IQCH: variants seen among roughly 807,000 people sequenced by gnomAD.
IQCH encodes IQ motif containing H, also known as IQ domain-containing protein H.
A neutral mutation model predicts 117.0 loss-of-function variants in IQCH; 98 were observed. The ratio of observed to expected loss-of-function variants is 0.84; its 90% confidence interval spans 0.71 to 0.99. The LOEUF is 0.99. Ranked by LOEUF, IQCH falls within the 50% of genes least tolerant of loss-of-function variation. The pLI is 0.00. For synonymous variants in IQCH, 412 were observed against 448.2 expected (o/e 0.92, Z 1.02); for missense variants, 1,102 against 1,243.8 (o/e 0.89, Z 1.72).
At chr15:67,358,638 CTT>C (rs1970012647) in intron 7 of IQCH, among the ~76,000 whole-genome samples, 1 of 152,164 alleles carries the variant, frequency 6.6e-6, no homozygotes, top group African/African-American at 2.4e-5. Flanking sequence ...ATTTTTGAAA[CTT>C]TTCACCACAG....
chr15:67,441,122 C>CAAAAAAAAAAAAAA (rs200254535), intron 16 of IQCH, among the ~76,000 whole-genome samples: 1 of 54,010 alleles, frequency 1.9e-5, no homozygotes, highest in African/African-American at 7.1e-5. Context: ...GCAATAGCTG[C>CAAAAAAAAAAAAAA]AAAAAAAAAA....
intron 10 of IQCH, among the ~76,000 whole-genome samples, chr15:67,377,189 C>T (rs1231970691): frequency 2.0e-5 from 3 of 150,728 alleles, no homozygotes; most frequent in Non-Finnish European, 3.0e-5. Flanking sequence ...TTATATATTT[C>T]AGATAGTATT....
rs1260780623 is a variant in IQCH at position 67,481,886 on chromosome 15, AC to A, written c.2799+6071del. On this transcript the variant is annotated intron_variant, in intron 18 of 20. Coordinates refer to ENST00000335894, the MANE Select transcript of IQCH (RefSeq NM_001031715.3). This position sits in a 1 kb window ranked among gnomAD's most constrained non-coding sequence, Gnocchi z 4.1. ...CTGTTGCTGCTTAAGACTTAAAACAACCCTTGGGCCCTCAACTATCTACAGG... is the reference window on the plus strand; with the variant it reads ...CTGTTGCTGCTTAAGACTTAAAACAACCTTGGGCCCTCAACTATCTACAGG... 1.4e-4 allele frequency among the ~76,000 whole-genome samples: 22 copies of A among 152,288 alleles called. No homozygotes were observed. Among genetic ancestry groups the A allele is most frequent in the African/African-American group, 5.3e-4 (22 of 41,556 alleles).
chr15:67,255,737 C>T (rs1215910828), intron 1 of IQCH, among the ~76,000 whole-genome samples: 1 of 152,156 alleles, frequency 6.6e-6, no homozygotes, highest in African/African-American at 2.4e-5. Flanking sequence ...GGGTCTTACT[C>T]GTCAAAGGGA....
Position 67,381,056 on chromosome 15 carries a change from A to G in IQCH, c.1373-3880A>G, listed in dbSNP as rs931847471. On this transcript the variant is annotated intron_variant, in intron 10 of 20. Transcript: ENST00000335894. The surrounding 1 kb of genome is among the most constrained non-coding windows in gnomAD (Gnocchi z 5.1). ...AGAACGTGTGATCTGCTGCAACAAC[A>G]GGGGCCTGTCACAGAGACATGCACC... 2.0e-5 allele frequency among the ~76,000 whole-genome samples: 3 copies of G among 152,210 alleles called. No individual in the cohort carries two copies. The highest frequency in any genetic ancestry group is 2.0e-4 in the Admixed American group (3 of 15,284).
In IQCH at chr15:67,388,613, C is replaced by A. The variant is rs1596299143; in HGVS notation, c.1457-218C>A. The stretch of plus-strand genomic sequence containing the variant: ...TCTGAAGGAATCATTGCATCTATTT[C>A]GTTGGTGGTGGTGTTATTTATATTT... On this transcript the variant is annotated intron_variant, in intron 11 of 20. Coordinates refer to ENST00000335894, the MANE Select transcript of IQCH (RefSeq NM_001031715.3). The surrounding 1 kb of genome is among the most constrained non-coding windows in gnomAD (Gnocchi z 5.5). 6.6e-6 allele frequency among the ~76,000 whole-genome samples: 1 copy of A among 152,126 alleles called. No homozygotes were observed. The highest frequency in any genetic ancestry group is 1.9e-4 in the East Asian group (1 of 5,194).
intron 8 of IQCH, chr15:67,371,507 G>A: frequency 1.3e-6 from 2 of 1,594,084 alleles, no homozygotes; most frequent in African/African-American, 1.3e-5. Flanking sequence ...AAGAACACGT[G>A]TCAAGAGAAA....
Position 67,494,423 on chromosome 15 carries a change from C to G in IQCH, c.2970+57C>G, listed in dbSNP as rs1003899170. On this transcript the variant is annotated intron_variant, in intron 20 of 20. Transcript: ENST00000335894. This position sits in a 1 kb window ranked among gnomAD's most constrained non-coding sequence, Gnocchi z 5.5. ...AATTTCTATACAAGGGCTGAAAATA[C>G]CTCATGCTGTATTGTAAACAAGTGC... is the stretch of plus-strand genomic sequence containing the variant. 1.7e-6 allele frequency: 2 copies of G among 1,165,646 alleles called. No individual in the cohort carries two copies. Among genetic ancestry groups the G allele is most frequent in the African/African-American group, 3.0e-5 (2 of 66,202 alleles). 72.2% of individuals were successfully genotyped at this position (1,165,646 alleles called of 1,614,324 possible). A position where few individuals can be genotyped will look rare whatever the true frequency, so the allele number is the denominator to read the frequency against.
chr15:67,439,432 G>A (rs543430699), intron 16 of IQCH, among the ~76,000 whole-genome samples: 100 of 152,192 alleles, frequency 6.6e-4, no homozygotes, highest in Non-Finnish European at 1.4e-3. Flanking sequence ...ATTTATAGCC[G>A]TAAATGCCTA....
At chr15:67,292,443 T>C (rs1381316480) in intron 4 of IQCH, among the ~76,000 whole-genome samples, 2 of 152,002 alleles carry the variant, frequency 1.3e-5, no homozygotes, top group Non-Finnish European at 2.9e-5. Flanking sequence ...TTTTTAGTAG[T>C]AGCAAGGTTT....
chr15:67,346,426 GA>G (rs1017302783), intron 6 of IQCH, among the ~76,000 whole-genome samples: 5 of 152,104 alleles, frequency 3.3e-5, no homozygotes, highest in Non-Finnish European at 7.4e-5. Flanking sequence ...ATAGTTTCAG[GA>G]TGGAACTGTT....
intron 4 of IQCH, among the ~76,000 whole-genome samples, chr15:67,301,915 T>C (rs1323826580): frequency 1.3e-5 from 2 of 152,208 alleles, no homozygotes; most frequent in Non-Finnish European, 2.9e-5. Context: ...ATAGTACACC[T>C]ATCATTTCTG....
chr15:67,411,629 CTGTATGTG>C lies in IQCH; in HGVS notation c.2098-5290_2098-5283del. 7.2e-6 allele frequency among the ~76,000 whole-genome samples: 1 copy of C among 138,906 alleles called. No homozygotes were observed. Among genetic ancestry groups the C allele is most frequent in the South Asian group, 3.0e-4 (1 of 3,284 alleles). 91.1% of individuals were successfully genotyped at this position (138,906 alleles called of 152,430 possible). On this transcript the variant is annotated intron_variant, in intron 14 of 20. Coordinates refer to ENST00000335894, the MANE Select transcript of IQCH (RefSeq NM_001031715.3). The surrounding 1 kb of genome is among the most constrained non-coding windows in gnomAD (Gnocchi z 4.4). ...ATGACCCAATTACACCAATGTGTGT[CTGTATGTG>C]TGTATGTGTGTGTAATACACACACA...
rs996497716 is a variant in IQCH, at chr15:67,427,556, T to C, written c.2505+5979T>C. On this transcript the variant is annotated intron_variant, in intron 16 of 20. Coordinates refer to ENST00000335894, the MANE Select transcript of IQCH (RefSeq NM_001031715.3). This position sits in a 1 kb window ranked among gnomAD's most constrained non-coding sequence, Gnocchi z 4.7. ...AAATTGCTATATTACCTTGAACTTA[T>C]CACTTTCCCTCATTTTCAGTTTTCT... is the stretch of plus-strand genomic sequence containing the variant. Among the ~76,000 whole-genome samples, 1 of 152,094 alleles carries C rather than the reference T, an allele frequency of 6.6e-6. No individual in the cohort carries two copies. Among genetic ancestry groups the C allele is most frequent in the African/African-American group, 2.4e-5 (1 of 41,418 alleles).
chr15:67,426,663 A>G lies in IQCH; in HGVS notation c.2505+5086A>G, dbSNP rs2081899288. 6.6e-6 allele frequency among the ~76,000 whole-genome samples: 1 copy of G among 152,166 alleles called. No individual in the cohort carries two copies. ...GCTAAATAGAACTTGGAACATAGTA[A>G]CTGTGTATATTTACAAAATAAAATC... On this transcript the variant is annotated intron_variant, in intron 16 of 20. Transcript: ENST00000335894. The surrounding 1 kb of genome is among the most constrained non-coding windows in gnomAD (Gnocchi z 5.1).
At chr15:67,435,415 T>C (rs547528480) in intron 16 of IQCH, among the ~76,000 whole-genome samples, 72 of 152,128 alleles carry the variant, frequency 4.7e-4, no homozygotes, top group South Asian at 1.2e-3. Flanking sequence ...TGAAACCCTG[T>C]CTCTATTAAA....
In IQCH at chr15:67,391,517, CATT is replaced by C. The variant is rs1461350976; in HGVS notation, c.1632+2514_1632+2516del. 6.6e-6 allele frequency among the ~76,000 whole-genome samples: 1 copy of C among 151,984 alleles called. No individual in the cohort carries two copies. The highest frequency in any genetic ancestry group is 2.4e-5 in the African/African-American group (1 of 41,354). Reference sequence around the variant, plus strand: ...GGTAAAATGTGCTCTTTATAAAAGTCATTATGTCTATTTTTAGACATTTCAGTG... The same window carrying C: ...GGTAAAATGTGCTCTTTATAAAAGTCATGTCTATTTTTAGACATTTCAGTG... On this transcript the variant is annotated intron_variant, in intron 12 of 20. Coordinates refer to ENST00000335894, the MANE Select transcript of IQCH (RefSeq NM_001031715.3). The surrounding 1 kb of genome is among the most constrained non-coding windows in gnomAD (Gnocchi z 4.3).
In IQCH at chr15:67,359,805, A is replaced by T; in HGVS notation, c.715-42A>T. On this transcript the variant is annotated intron_variant, in intron 7 of 20. Coordinates refer to ENST00000335894, the MANE Select transcript of IQCH (RefSeq NM_001031715.3). This position sits in a 1 kb window ranked among gnomAD's most constrained non-coding sequence, Gnocchi z 4.5. Reference sequence around the variant, plus strand: ...TATTTGTTTTGTAAAATTGCCCATGAGAGTCGTTTTGATTTAAACTGTGTC... The same window carrying T: ...TATTTGTTTTGTAAAATTGCCCATGTGAGTCGTTTTGATTTAAACTGTGTC... The T allele has an allele frequency of 6.5e-7, 1 of 1,540,134 alleles. No homozygotes were observed.
In IQCH at chr15:67,494,252, T is replaced by G. The variant is rs891231013; in HGVS notation, c.2862-6T>G. 1.2e-6 allele frequency: 2 copies of G among 1,602,068 alleles called. No individual in the cohort carries two copies. The highest frequency in any genetic ancestry group is 1.7e-6 in the Non-Finnish European group (2 of 1,175,150). On this transcript the variant is annotated splice_polypyrimidine_tract_variant and splice_region_variant and intron_variant, in intron 19 of 20. Transcript: ENST00000335894. The surrounding 1 kb of genome is among the most constrained non-coding windows in gnomAD (Gnocchi z 5.5). Reference sequence around the variant, plus strand: ...GTAAACTCATTTGTTTGGATATCATTAACAGAACAATCGGCGAGGATCTCC... The same window carrying G: ...GTAAACTCATTTGTTTGGATATCATGAACAGAACAATCGGCGAGGATCTCC...
Sources: allele counts gnomAD v4.1 joint callset (sites outside exome capture counted in the v4.1 genomes callset), GRCh38; gene constraint gnomAD v4.1.1; non-coding constraint Gnocchi (gnomAD v3.1); transcripts MANE v1.5; gene names NCBI Gene and HGNC (gene_info 2026-07-23, HGNC 2026-07-21).